The following BMPR1B variants were observed in gnomAD, a reference collection of about 807,000 sequenced individuals.
The protein encoded by BMPR1B is bone morphogenetic protein receptor type-1B.
BMPR1B carries 12 observed loss-of-function variants against 59.1 expected under a neutral mutation model. The observed-to-expected ratio is 0.20, with a 90% CI of 0.13 to 0.33. BMPR1B has a LOEUF of 0.33. Among genes scored for constraint, BMPR1B ranks in the 10% least tolerant of loss-of-function variants. The pLI, the probability that BMPR1B is intolerant of heterozygous loss-of-function variation, is 1.00. For missense variants in BMPR1B, 550 were observed against 610.9 expected (o/e 0.90, Z 1.05); for synonymous variants, 237 against 207.3 (o/e 1.14, Z -1.23).
At chr4:94,906,647 A>G (rs147762786) in intron 2 of BMPR1B, among the ~76,000 whole-genome samples, 106 of 152,180 alleles carry the variant, frequency 7.0e-4, no homozygotes, top group African/African-American at 2.4e-3. Context: ...CCCAGACCTT[A>G]AAGTATAATA....
chr4:95,085,764 C>T (rs1650590274), intron 3 of BMPR1B, among the ~76,000 whole-genome samples: 1 of 152,106 alleles, frequency 6.6e-6, no homozygotes, highest in South Asian at 2.1e-4. Context: ...TGTGCATTAG[C>T]TTTTTCTGGG....
chr4:94,762,304 A>G (rs909089475), intron 1 of BMPR1B, among the ~76,000 whole-genome samples: 20 of 152,212 alleles, frequency 1.3e-4, no homozygotes, highest in African/African-American at 4.1e-4. Context: ...ATCCACAAAC[A>G]CATGAATAAG....
chr4:95,081,001 T>G (rs985756660), intron 3 of BMPR1B, among the ~76,000 whole-genome samples: 2 of 152,124 alleles, frequency 1.3e-5, no homozygotes, highest in Non-Finnish European at 2.9e-5. Context: ...TCCCCACATA[T>G]GTCATGAGAG....
At chr4:95,050,116 G>A (rs1412727352) in intron 3 of BMPR1B, among the ~76,000 whole-genome samples, 1 of 152,094 alleles carries the variant, frequency 6.6e-6, no homozygotes, top group East Asian at 1.9e-4. Context: ...GCCCAACATA[G>A]AAGGTTTAAA....
chr4:94,805,231 G>T (rs192258960), intron 1 of BMPR1B, among the ~76,000 whole-genome samples: 1 of 152,232 alleles, frequency 6.6e-6, no homozygotes, highest in African/African-American at 2.4e-5. Flanking sequence ...TGTAGTGAGC[G>T]CTAGAATATA....
At chr4:94,817,974 CT>C (rs1447626540) in intron 1 of BMPR1B, among the ~76,000 whole-genome samples, 4 of 152,132 alleles carry the variant, frequency 2.6e-5, no homozygotes, top group African/African-American at 9.7e-5. Context: ...ACCTGGGGAA[CT>C]TTCAAAATTA....
chr4:95,097,578 GC>G lies in BMPR1B; in HGVS notation c.-17-6828del, dbSNP rs796181619. ...TGTTGAGACAGAGTCTCGATCTGTCGCCAGGCTGGAGTGCAGTGGTGTGATC... is the reference window on the plus strand; with the variant it reads ...TGTTGAGACAGAGTCTCGATCTGTCGCAGGCTGGAGTGCAGTGGTGTGATC... On this transcript the variant is annotated intron_variant, in intron 3 of 12. Transcript: ENST00000515059. 7.1e-4 allele frequency among the ~76,000 whole-genome samples: 107 copies of G among 151,678 alleles called. 1 individual carries two copies. The highest frequency in any genetic ancestry group is 2.6e-3 in the African/African-American group (106 of 41,340).
chr4:94,970,236 T>TCTTCTC (rs1174591733), intron 2 of BMPR1B, among the ~76,000 whole-genome samples: 4 of 140,568 alleles, frequency 2.8e-5, no homozygotes, highest in African/African-American at 1.1e-4. Flanking sequence ...CAGCTGTTTG[T>TCTTCTC]TTTTCTTCTC....
At chr4:95,096,454 A>C (rs977092625) in intron 3 of BMPR1B, among the ~76,000 whole-genome samples, 1 of 151,302 alleles carries the variant, frequency 6.6e-6, no homozygotes, top group Admixed American at 6.6e-5. Flanking sequence ...CTGTAAATCT[A>C]TTTCTAAAGA....
At chr4:94,964,592 C>T (rs1217624622) in intron 2 of BMPR1B, among the ~76,000 whole-genome samples, 3 of 152,144 alleles carry the variant, frequency 2.0e-5, no homozygotes, top group African/African-American at 4.8e-5. Context: ...AAATAAATCT[C>T]ATCAGAAGTA....
At chr4:94,848,079 TA>T (rs1725411135) in intron 1 of BMPR1B, among the ~76,000 whole-genome samples, 2 of 152,064 alleles carry the variant, frequency 1.3e-5, no homozygotes, top group South Asian at 4.1e-4. Flanking sequence ...AATTAAAAAT[TA>T]AAAAAATTCA....
intron 4 of BMPR1B, 113 bp downstream of exon 4, chr4:95,104,680 C>A (rs182761217): frequency 2.3e-6 from 3 of 1,285,680 alleles, no homozygotes; most frequent in Non-Finnish European, 3.4e-6. Context: ...ATGCCTAACA[C>A]TATCGTAAAC....
chr4:94,986,745 T>A (rs1458787424), intron 2 of BMPR1B, among the ~76,000 whole-genome samples: 1 of 150,534 alleles, frequency 6.6e-6, no homozygotes, highest in African/African-American at 2.5e-5. Flanking sequence ...ATATTTTGAT[T>A]AAAAATATAA....
At chr4:94,818,233 T>C (rs576869286) in intron 1 of BMPR1B, among the ~76,000 whole-genome samples, 1 of 152,348 alleles carries the variant, frequency 6.6e-6, no homozygotes, top group East Asian at 1.9e-4. Context: ...TTTAGTATTC[T>C]AGGATGTTAT....
intron 1 of BMPR1B, among the ~76,000 whole-genome samples, chr4:94,845,892 G>A (rs1331702598): frequency 2.0e-5 from 3 of 152,146 alleles, no homozygotes; most frequent in Admixed American, 6.5e-5. Context: ...AGCCTATATA[G>A]GGAAGGAATT....
intron 1 of BMPR1B, among the ~76,000 whole-genome samples, chr4:94,842,592 A>G (rs531494520): frequency 2.4e-4 from 37 of 152,118 alleles, no homozygotes; most frequent in South Asian, 6.2e-4. Flanking sequence ...GTCTCACTCT[A>G]TTGCCCAGGC....
chr4:94,933,494 AAACTC>A (rs986128960), intron 2 of BMPR1B, among the ~76,000 whole-genome samples: 1 of 152,118 alleles, frequency 6.6e-6, no homozygotes, highest in Non-Finnish European at 1.5e-5. Context: ...GAAATGAGAC[AAACTC>A]AAGCTTTTAT....
chr4:95,095,924 A>G (rs1461695520), intron 3 of BMPR1B, among the ~76,000 whole-genome samples: 2 of 151,834 alleles, frequency 1.3e-5, no homozygotes, highest in Non-Finnish European at 2.9e-5. Flanking sequence ...AAAACTAAAT[A>G]CAGTTAAAAC....
chr4:94,991,090 C>T (rs1357015788), intron 2 of BMPR1B, among the ~76,000 whole-genome samples: 1 of 152,026 alleles, frequency 6.6e-6, no homozygotes, highest in African/African-American at 2.4e-5. Context: ...CTTTTTCAGT[C>T]TCTTTCATAT....
Sources: allele counts gnomAD v4.1 joint callset (sites outside exome capture counted in the v4.1 genomes callset), GRCh38; gene constraint gnomAD v4.1.1; transcripts MANE v1.5; gene names NCBI Gene and HGNC (gene_info 2026-07-23, HGNC 2026-07-21).